PACSIN1: variants seen among roughly 807,000 people sequenced by gnomAD.
PACSIN1 encodes the protein protein kinase C and casein kinase substrate in neurons protein 1.
Under a neutral mutation model 59.5 loss-of-function variants are expected in PACSIN1, and 15 were observed. That is an observed-to-expected ratio of 0.25 (90% CI 0.17 to 0.39). The LOEUF is 0.39. Ranked by LOEUF, PACSIN1 falls within the 10% of genes least tolerant of loss-of-function variation. PACSIN1 has a pLI of 1.00. For synonymous variants in PACSIN1, 210 were observed against 220.6 expected (o/e 0.95, Z 0.42); for missense variants, 420 against 580.2 (o/e 0.72, Z 2.84).
intron 2 of PACSIN1, 135 bp from the exon 3 acceptor site, chr6:34,527,197 G>A (rs1435479402): frequency 1.6e-5 from 14 of 897,386 alleles, no homozygotes; most frequent in African/African-American, 1.2e-4. Context: ...GGGGGGCGGG[G>A]GCGGGGGCGG....
chr6:34,500,498 C>T (rs1170038642), intron 1 of PACSIN1, among the ~76,000 whole-genome samples: 1 of 152,120 alleles, frequency 6.6e-6, no homozygotes, highest in Non-Finnish European at 1.5e-5. Flanking sequence ...GTAAACTGTG[C>T]CGTCAACTTG....
In PACSIN1 at chr6:34,531,577, T is replaced by C; in HGVS notation, c.1038-23T>C. The C allele has an allele frequency of 6.2e-7, 1 of 1,611,922 alleles. No individual in the cohort carries two copies. The highest frequency in any genetic ancestry group is 8.5e-7 in the Non-Finnish European group (1 of 1,179,024). Reference sequence around the variant, plus strand: ...ATGCGGTACGGGGAGACATTGAAGCTGGCTCCTTCCTCCGCGTCTCAGTGT... The same window carrying C: ...ATGCGGTACGGGGAGACATTGAAGCCGGCTCCTTCCTCCGCGTCTCAGTGT... On this transcript the variant is annotated intron_variant, in intron 8 of 9. Coordinates refer to ENST00000244458, the MANE Select transcript of PACSIN1 (RefSeq NM_020804.5). The surrounding 1 kb of genome is among the most constrained non-coding windows in gnomAD (Gnocchi z 4.4).
At chr6:34,496,539 G>A (rs1426841730) in intron 1 of PACSIN1, among the ~76,000 whole-genome samples, 1 of 152,272 alleles carries the variant, frequency 6.6e-6, no homozygotes, top group Non-Finnish European at 1.5e-5. Flanking sequence ...GGCTGGAGAC[G>A]GGAGAGGCAG....
intron 1 of PACSIN1, among the ~76,000 whole-genome samples, chr6:34,503,266 CA>C (rs200906223): frequency 0.059 from 4,042 of 68,482 alleles, 184 homozygotes; most frequent in East Asian, 0.31. Context: ...GAGATCCTGT[CA>C]AAAAAAAAAA....
At position 34,529,705 on chromosome 6, in the gene PACSIN1, A is replaced by G; in HGVS notation, c.652A>G (p.Lys218Glu). Residue 218 changes from lysine (K) to glutamate (E), a missense_variant, in exon 6 of 10, where the codon AAG (lysine) becomes GAG (glutamate). Coordinates refer to ENST00000244458, the MANE Select transcript of PACSIN1 (RefSeq NM_020804.5). This position sits in a 1 kb window ranked among gnomAD's most constrained non-coding sequence, Gnocchi z 6.3. ...KYEKVLEDVG[K>E]TTPQYMENME... Reference sequence around the variant, plus strand: ...TGAGAAAGTGCTGGAAGATGTGGGCAAGACCACACCCCAGTACATGGAGAA... The same window carrying G: ...TGAGAAAGTGCTGGAAGATGTGGGCGAGACCACACCCCAGTACATGGAGAA... 1 of 1,614,174 alleles carries G rather than the reference A, an allele frequency of 6.2e-7. No individual in the cohort carries two copies. Among genetic ancestry groups the G allele is most frequent in the Non-Finnish European group, 8.5e-7 (1 of 1,180,034 alleles).
chr6:34,507,393 G>A (rs769467713), intron 1 of PACSIN1, among the ~76,000 whole-genome samples: 1 of 152,088 alleles, frequency 6.6e-6, no homozygotes, highest in Non-Finnish European at 1.5e-5. Context: ...GTTTTAGCAG[G>A]AGGAATGGGG....
At chr6:34,499,166 A>G (rs1766989564) in intron 1 of PACSIN1, among the ~76,000 whole-genome samples, 1 of 152,064 alleles carries the variant, frequency 6.6e-6, no homozygotes, top group Non-Finnish European at 1.5e-5. Context: ...ACAGTGACAG[A>G]TCATCAGGCA....
rs561108384 is a variant in PACSIN1, at chr6:34,518,504, C to T, written c.-63-7739C>T. Among the ~76,000 whole-genome samples the T allele has an allele frequency of 1.9e-4, 29 of 152,312 alleles. No homozygotes were observed. Among genetic ancestry groups the T allele is most frequent in the African/African-American group, 7.0e-4 (29 of 41,572 alleles). On this transcript the variant is annotated intron_variant, in intron 1 of 9. Transcript: ENST00000244458. This position sits in a 1 kb window ranked among gnomAD's most constrained non-coding sequence, Gnocchi z 4.4. ...CACTTTGGGCTCCCCGAGAAGCCAA[C>T]CCCAAGACAAGGATATGATTCATTT...
chr6:34,475,235 C>A (rs971511255), intron 1 of PACSIN1, among the ~76,000 whole-genome samples: 1 of 152,162 alleles, frequency 6.6e-6, no homozygotes, highest in African/African-American at 2.4e-5. Context: ...TACCCCTCAC[C>A]CCTGCCCACA....
chr6:34,522,951 G>A (rs1241573325), intron 1 of PACSIN1, among the ~76,000 whole-genome samples: 1 of 152,232 alleles, frequency 6.6e-6, no homozygotes, highest in Non-Finnish European at 1.5e-5. Context: ...CACATTGCAT[G>A]AGGGCAGATC....
In PACSIN1 at chr6:34,518,614, C is replaced by T. The variant is rs150013083; in HGVS notation, c.-63-7629C>T. 1.3e-5 allele frequency among the ~76,000 whole-genome samples: 2 copies of T among 152,188 alleles called. No individual in the cohort carries two copies. The highest frequency in any genetic ancestry group is 2.9e-5 in the Non-Finnish European group (2 of 68,036). On this transcript the variant is annotated intron_variant, in intron 1 of 9. Transcript: ENST00000244458. This position sits in a 1 kb window ranked among gnomAD's most constrained non-coding sequence, Gnocchi z 4.4. ...TGCTTTACCAAGCAAGTTACCACTG[C>T]GGGCAATTCAGCTCACTCCCGCTGG...
chr6:34,476,924 TGGTAATG>T (rs1486231631), intron 1 of PACSIN1, among the ~76,000 whole-genome samples: 1 of 152,138 alleles, frequency 6.6e-6, no homozygotes, highest in Non-Finnish European at 1.5e-5. Context: ...AGGACTGCCT[TGGTAATG>T]GGCATCTATG....
At position 34,514,732 on chromosome 6, in the gene PACSIN1, T is replaced by A. The variant is rs563956205; in HGVS notation, c.-63-11511T>A. ...TGCGGGAGGCGGGCATCCCCTGCTGTACATGGGAGGGAGGCTGTCTGTGCA... is the reference window on the plus strand; with the variant it reads ...TGCGGGAGGCGGGCATCCCCTGCTGAACATGGGAGGGAGGCTGTCTGTGCA... On this transcript the variant is annotated intron_variant, in intron 1 of 9. Coordinates refer to ENST00000244458, the MANE Select transcript of PACSIN1 (RefSeq NM_020804.5). This position sits in a 1 kb window ranked among gnomAD's most constrained non-coding sequence, Gnocchi z 4.4. 2.0e-5 allele frequency: 3 copies of A among 152,546 alleles called. No homozygotes were observed. In the East Asian group the frequency reaches 5.8e-4, roughly 29 times the overall value. 9.4% of individuals were successfully genotyped at this position (152,546 alleles called of 1,614,324 possible).
chr6:34,519,039 G>C (rs779198869), intron 1 of PACSIN1, among the ~76,000 whole-genome samples: 100 of 152,266 alleles, frequency 6.6e-4, no homozygotes, highest in Middle Eastern at 3.4e-3. Flanking sequence ...CTCTTAAGAG[G>C]GTGGCCGGAG....
Position 34,485,733 on chromosome 6 carries a change from T to TA in PACSIN1, c.-64+19463_-64+19464insA, listed in dbSNP as rs970239357. On this transcript the variant is annotated intron_variant, in intron 1 of 9. Transcript: ENST00000244458. ...GAGAAGAGGTCCCAGACCTGAGCCC[T>TA]GGCCCTGTGAGGGCCCACCCAGGGA... Among the ~76,000 whole-genome samples, 59 of 152,290 alleles carry TA rather than the reference T, an allele frequency of 3.9e-4. 1 individual carries two copies. The highest frequency in any genetic ancestry group is 1.4e-3 in the African/African-American group (57 of 41,556).
chr6:34,487,896 G>GCC (rs1403751518), intron 1 of PACSIN1, among the ~76,000 whole-genome samples: 1 of 152,178 alleles, frequency 6.6e-6, no homozygotes, highest in Admixed American at 6.5e-5. Context: ...ACTGCAGCCT[G>GCC]CCCCTCATGC....
intron 3 of PACSIN1, among the ~76,000 whole-genome samples, chr6:34,528,359 C>G (rs1346094529): frequency 2.6e-5 from 4 of 152,216 alleles, no homozygotes; most frequent in African/African-American, 9.7e-5. Flanking sequence ...TTCCATGGGG[C>G]TCACATGCTG....
At chr6:34,486,205 G>A (rs1052633748) in intron 1 of PACSIN1, among the ~76,000 whole-genome samples, 2 of 151,678 alleles carry the variant, frequency 1.3e-5, no homozygotes, top group African/African-American at 4.9e-5. Context: ...GGGAGGCAGG[G>A]CCTAGGGGTG....
At chr6:34,522,448 G>A (rs868263438) in intron 1 of PACSIN1, among the ~76,000 whole-genome samples, 7 of 152,284 alleles carry the variant, frequency 4.6e-5, no homozygotes, top group African/African-American at 1.2e-4. Context: ...AGGAGTGTGC[G>A]CTCTGGATCC....
Sources: allele counts gnomAD v4.1 joint callset (sites outside exome capture counted in the v4.1 genomes callset), GRCh38; gene constraint gnomAD v4.1.1; non-coding constraint Gnocchi (gnomAD v3.1); transcripts MANE v1.5; gene names NCBI Gene and HGNC (gene_info 2026-07-23, HGNC 2026-07-21).